The following ESYT3 variants were observed in gnomAD, a reference collection of about 807,000 sequenced individuals.
ESYT3 encodes the protein extended synaptotagmin-3.
In ESYT3, 101 loss-of-function variants were observed where a neutral mutation model predicts 111.5. The ratio of observed to expected loss-of-function variants is 0.91; its 90% CI spans 0.77 to 1.07. The LOEUF (loss-of-function observed/expected upper bound fraction) is 1.07, where lower values mean the gene tolerates loss of function less well. ESYT3 is among the 50% of genes least tolerant of loss of function. The pLI is 0.00. For synonymous variants in ESYT3, 416 were observed against 446.8 expected, an observed-to-expected ratio of 0.93 and a Z score of 0.87; for missense variants, 1,097 against 1,109.4, an observed-to-expected ratio of 0.99 and a Z score of 0.16.
rs1323412868 is a variant in ESYT3 at position 138,464,354 on chromosome 3, A to G, written c.925A>G (p.Arg309Gly). The G allele has an allele frequency of 6.8e-6, 11 of 1,613,958 alleles. No homozygotes were observed. The highest frequency in any genetic ancestry group is 9.3e-6 in the Non-Finnish European group (11 of 1,179,954). ...CTTGGACATTTTCCAGGGGGTGATC[A>G]GAGTGCACTTGCTGGAGGCAGAGCA... The part of the protein sequence containing the change: ...LRFPLPCGVI[R>G]VHLLEAEQLA... Residue 309 changes from arginine (R) to glycine (G), a missense_variant, in exon 9 of 23, where the codon AGA (arginine) becomes GGA (glycine). Physicochemically the swap from Arg to Gly is moderately radical, Grantham distance 125. Coordinates refer to ENST00000389567, the MANE Select transcript of ESYT3 (RefSeq NM_031913.5).
chr3:138,471,080 G>C, intron 17 of ESYT3, 54 bp downstream of exon 17: 2 of 1,485,836 alleles, frequency 1.3e-6, no homozygotes, highest in South Asian at 2.3e-5. Context: ...TGGCAATGGA[G>C]CAAGGTGTAC....
At chr3:138,448,282 A>G (rs1049493234) in intron 1 of ESYT3, among the ~76,000 whole-genome samples, 4 of 150,718 alleles carry the variant, frequency 2.7e-5, no homozygotes, top group African/African-American at 9.8e-5. Context: ...AAAAAAAAAA[A>G]AAAAAAAAAA....
At position 138,472,872 on chromosome 3, in the gene ESYT3, C is replaced by CTGCTTAATCTT. The variant is rs1258027395; in HGVS notation, c.2237+15_2237+25dup. 3.1e-6 allele frequency: 5 copies of CTGCTTAATCTT among 1,594,238 alleles called. No homozygotes were observed. On this transcript the variant is annotated intron_variant, in intron 18 of 22. Coordinates refer to ENST00000389567, the MANE Select transcript of ESYT3 (RefSeq NM_031913.5). ...GCCTCAACATTGAGTATGCACCTCTCTGCTTAATCTTTTCTAAAATCGCCT... is the reference window on the plus strand; with the variant it reads ...GCCTCAACATTGAGTATGCACCTCTCTGCTTAATCTTTGCTTAATCTTTTCTAAAATCGCCT...
In ESYT3 at chr3:138,457,598, A is replaced by G. The variant is rs1367171649; in HGVS notation, c.535A>G (p.Thr179Ala). ...CPRVNGVKAH[T>A]NTCNRRRVTV... is the part of the protein sequence containing the mutation. ...CAGGGTCAACGGTGTCAAGGCACACACTAATACGTGCAACCGAAGACGTGT... is the reference window on the plus strand; with the variant it reads ...CAGGGTCAACGGTGTCAAGGCACACGCTAATACGTGCAACCGAAGACGTGT... The change falls in exon 4 of 23, where the codon ACT becomes GCT. Residue 179 changes from threonine (T) to alanine (A), a missense_variant. Coordinates refer to ENST00000389567, the MANE Select transcript of ESYT3 (RefSeq NM_031913.5). The G allele has an allele frequency of 1.9e-6, 3 of 1,614,152 alleles. No homozygotes were observed. Among genetic ancestry groups the G allele is most frequent in the Admixed American group, 1.7e-5 (1 of 60,020 alleles).
At position 138,457,659 on chromosome 3, in the gene ESYT3, G is replaced by A; in HGVS notation, c.581+15G>A. On this transcript the variant is annotated intron_variant, in intron 4 of 22. Transcript: ENST00000389567. Reference sequence around the variant, plus strand: ...CTGCAGATCTGGTGAGCTCTATCGGGCTGGGTATGGGCTTCGGGGTGCAGG... The same window carrying A: ...CTGCAGATCTGGTGAGCTCTATCGGACTGGGTATGGGCTTCGGGGTGCAGG... 1.9e-6 allele frequency: 3 copies of A among 1,613,862 alleles called. No homozygotes were observed. The highest frequency in any genetic ancestry group is 2.5e-6 in the Non-Finnish European group (3 of 1,179,806).
At chr3:138,464,238 G>A (rs1490228197) in intron 8 of ESYT3, 107 bp from the exon 9 acceptor site, 5 of 1,288,188 alleles carry the variant, frequency 3.9e-6, no homozygotes, top group Non-Finnish European at 4.3e-6. Flanking sequence ...GACCGTGGAG[G>A]GGGCAATATG....
chr3:138,464,217 C>A (rs766374608), intron 8 of ESYT3, 128 bp from the exon 9 acceptor site: 35 of 1,076,874 alleles, frequency 3.3e-5, no homozygotes, highest in Non-Finnish European at 4.1e-5. Flanking sequence ...TGGCTTCTAT[C>A]TCCTGGTCCA....
At chr3:138,445,056 C>G (rs903743157) in intron 1 of ESYT3, among the ~76,000 whole-genome samples, 6 of 152,188 alleles carry the variant, frequency 3.9e-5, no homozygotes, top group Non-Finnish European at 5.9e-5. Flanking sequence ...TGCCCCAGTC[C>G]TCTGGAATCA....
Position 138,474,119 on chromosome 3 carries a change from T to C in ESYT3, c.2337-102T>C, listed in dbSNP as rs992576430. On this transcript the variant is annotated intron_variant, in intron 19 of 22. Transcript: ENST00000389567. ...GCTAATATAGCCTTCTCTCAAATGTTTGAAGTGTTTGAAACTCTCAAACAC... is the reference window on the plus strand; with the variant it reads ...GCTAATATAGCCTTCTCTCAAATGTCTGAAGTGTTTGAAACTCTCAAACAC... The C allele has an allele frequency of 2.1e-6, 3 of 1,458,452 alleles. No homozygotes were observed. In the South Asian group the frequency reaches 3.8e-5, roughly 18 times the overall value. 90.3% of individuals were successfully genotyped at this position (1,458,452 alleles called of 1,614,324 possible). A position where few individuals can be genotyped will look rare whatever the true frequency, so the allele number is the denominator to read the frequency against.
intron 17 of ESYT3, among the ~76,000 whole-genome samples, chr3:138,471,629 G>A (rs1576465811): frequency 6.6e-6 from 1 of 152,086 alleles, no homozygotes; most frequent in East Asian, 1.9e-4. Context: ...CTTTTTGATG[G>A]TGACTCATTT....
Position 138,478,076 on chromosome 3 carries a change from T to G in ESYT3, c.*1222T>G, listed in dbSNP as rs2033568350. The stretch of plus-strand genomic sequence containing the variant: ...ATTAAGTAAGTCAGTCAATCCATAG[T>G]GAAATGGACTCTTCCTACCGCCTGT... On this transcript the variant is annotated 3_prime_UTR_variant, in exon 23 of 23. Transcript: ENST00000389567. 1 of 152,218 alleles carries G rather than the reference T, an allele frequency of 6.6e-6. No homozygotes were observed. The highest frequency in any genetic ancestry group is 2.4e-5 in the African/African-American group (1 of 41,458). 9.4% of individuals were successfully genotyped at this position (152,218 alleles called of 1,614,324 possible).
At chr3:138,472,911 CT>C in intron 18 of ESYT3, 52 bp downstream of exon 18, 1 of 1,556,328 alleles carries the variant, frequency 6.4e-7, no homozygotes, top group Non-Finnish European at 8.7e-7. Context: ...TGAAAAATAC[CT>C]CGCTGGATGG....
At chr3:138,448,827 C>G (rs985056946) in intron 1 of ESYT3, among the ~76,000 whole-genome samples, 1 of 152,192 alleles carries the variant, frequency 6.6e-6, no homozygotes, top group Admixed American at 6.5e-5. Flanking sequence ...TCTTGCACCT[C>G]GGCTCACTGG....
chr3:138,472,643 G>A lies in ESYT3; in HGVS notation c.2021G>A (p.Arg674Lys). The A allele has an allele frequency of 1.9e-6, 3 of 1,614,208 alleles. No individual in the cohort carries two copies. Among genetic ancestry groups the A allele is most frequent in the Non-Finnish European group, 2.5e-6 (3 of 1,180,038 alleles). ...CCTAAAGGCAAGGACAGTGCCAAAA[G>A]GTTCTGTGAGCCCATCGGGGAGAAG... ...PEPKGKDSAK[R>K]FCEPIGEKKS... Residue 674 changes from arginine to lysine, a missense_variant, in exon 18 of 23, where the codon AGG becomes AAG. Coordinates refer to ENST00000389567, the MANE Select transcript of ESYT3 (RefSeq NM_031913.5).
chr3:138,452,098 G>C lies in ESYT3; in HGVS notation c.369+9G>C. 6.2e-7 allele frequency: 1 copy of C among 1,607,522 alleles called. No homozygotes were observed. The highest frequency in any genetic ancestry group is 8.5e-7 in the Non-Finnish European group (1 of 1,179,586). ...TCGAGTGGGCCAACAAGGTAAGGCCGCTGGCAGGGCCTAGCAGGGCCGGAC... is the reference window on the plus strand; with the variant it reads ...TCGAGTGGGCCAACAAGGTAAGGCCCCTGGCAGGGCCTAGCAGGGCCGGAC... On this transcript the variant is annotated intron_variant, in intron 2 of 22. Transcript: ENST00000389567.
Position 138,471,020 on chromosome 3 carries a change from G to A in ESYT3, c.1734G>A (p.Val578=), listed in dbSNP as rs760972746. The change falls in exon 17 of 23, where the codon GTG becomes GTA. Residue 578 remains valine (V), a synonymous_variant. Transcript: ENST00000389567. ...GLDSLISMRL[V]LRFLQVEERE... Reference sequence around the variant, plus strand: ...ACAGCCTCATCTCCATGAGGCTGGTGCTTCGGGTAAATCTCTCCGGTCCCC... The same window carrying A: ...ACAGCCTCATCTCCATGAGGCTGGTACTTCGGGTAAATCTCTCCGGTCCCC... 2.5e-6 allele frequency: 4 copies of A among 1,612,962 alleles called. No individual in the cohort carries two copies. The South Asian group carries it at 4.4e-5, about 18-fold the overall frequency.
At chr3:138,475,385 A>G (rs2033432363) in intron 20 of ESYT3, among the ~76,000 whole-genome samples, 1 of 152,236 alleles carries the variant, frequency 6.6e-6, no homozygotes, top group Non-Finnish European at 1.5e-5. Context: ...AATTCTCAAA[A>G]GTATGACAGC....
At chr3:138,480,359 A>G (rs552229406), downstream of ESYT3, 2 of 152,044 alleles carry the variant, frequency 1.3e-5, no homozygotes, top group Non-Finnish European at 2.9e-5. Flanking sequence ...ATTAAGAAAC[A>G]GATGCTCCCT....
At chr3:138,461,999 G>C (rs2032667354) in intron 7 of ESYT3, 87 bp from the exon 8 acceptor site, 3 of 1,594,096 alleles carry the variant, frequency 1.9e-6, no homozygotes, top group Non-Finnish European at 1.7e-6. Context: ...ACCAATCTGG[G>C]CTCCTGGTTC....
Sources: allele counts gnomAD v4.1 joint callset (sites outside exome capture counted in the v4.1 genomes callset), GRCh38; gene constraint gnomAD v4.1.1; transcripts MANE v1.5; gene names NCBI Gene and HGNC (gene_info 2026-07-23, HGNC 2026-07-21).